The following C8B variants were observed in gnomAD, a reference collection of about 807,000 sequenced individuals.
The protein encoded by C8B is complement component C8 beta chain.
A neutral mutation model predicts 64.6 loss-of-function variants in C8B; 67 were observed. The observed-to-expected ratio is 1.04, with a 90% CI of 0.85 to 1.27. The LOEUF is 1.27. C8B is among the 50% of genes most tolerant of loss of function. C8B has a pLI of 0.00. For missense variants in C8B, 790 were observed against 725.2 expected, an observed-to-expected ratio of 1.09 and a Z score of -1.03; for synonymous variants, 284 against 257.7, an observed-to-expected ratio of 1.10 and a Z score of -0.98.
At chr1:56,963,823 G>A (rs1645213386) in intron 1 of C8B, 7 of 976,636 alleles carry the variant, frequency 7.2e-6, no homozygotes, top group Non-Finnish European at 8.5e-6. Flanking sequence ...CTGGCACAGA[G>A]TGGCAATACA....
chr1:56,960,658 G>C (rs1015362657), intron 1 of C8B, among the ~76,000 whole-genome samples: 2 of 152,208 alleles, frequency 1.3e-5, no homozygotes, highest in Admixed American at 1.3e-4. Flanking sequence ...CTGAATCATG[G>C]CAATGGCCAG....
intron 3 of C8B, among the ~76,000 whole-genome samples, chr1:56,955,610 G>T (rs571897290): frequency 1.3e-5 from 2 of 152,130 alleles, no homozygotes; most frequent in Non-Finnish European, 2.9e-5. Flanking sequence ...GCCTTCAAAT[G>T]TTTCTTACCA....
chr1:56,947,949 A>G (rs1644966457), intron 6 of C8B, among the ~76,000 whole-genome samples: 1 of 81,450 alleles, frequency 1.2e-5, no homozygotes, highest in Non-Finnish European at 2.6e-5. Flanking sequence ...AACAAAACAA[A>G]ACAAAACAAA....
intron 7 of C8B, among the ~76,000 whole-genome samples, chr1:56,944,483 T>A (rs1265857240): frequency 6.6e-6 from 1 of 152,302 alleles, no homozygotes; most frequent in African/African-American, 2.4e-5. Flanking sequence ...AATGTTGGTA[T>A]AGATCAGTTT....
At chr1:56,944,691 C>T (rs1415499810) in intron 7 of C8B, among the ~76,000 whole-genome samples, 1 of 151,994 alleles carries the variant, frequency 6.6e-6, no homozygotes, top group Non-Finnish European at 1.5e-5. Context: ...ATGATTAAGC[C>T]CTTTTATGTT....
intron 3 of C8B, 30 bp downstream of exon 3, chr1:56,956,739 T>C: frequency 1.2e-6 from 2 of 1,612,188 alleles, no homozygotes; most frequent in Middle Eastern, 1.7e-4. Flanking sequence ...ATTTCAGGCT[T>C]TCCCCTCTTA....
chr1:56,941,844 C>CTCA (rs1432651762), intron 8 of C8B, among the ~76,000 whole-genome samples: 1 of 152,214 alleles, frequency 6.6e-6, no homozygotes, highest in African/African-American at 2.4e-5. Flanking sequence ...TGTAGTGGAG[C>CTCA]TCACCTGGTG....
chr1:56,946,357 A>G (rs1226272890), intron 6 of C8B, among the ~76,000 whole-genome samples: 4 of 152,038 alleles, frequency 2.6e-5, no homozygotes, highest in Non-Finnish European at 4.4e-5. Context: ...AGGGCATGGG[A>G]CCTCTCTGAT....
At chr1:56,953,971 T>C (rs996031833) in intron 4 of C8B, among the ~76,000 whole-genome samples, 4 of 152,136 alleles carry the variant, frequency 2.6e-5, no homozygotes, top group African/African-American at 9.7e-5. Context: ...AAAATTGAGA[T>C]TTGATGGGTT....
chr1:56,952,224 G>A, intron 4 of C8B, 44 bp from the exon 5 acceptor site: 4 of 1,612,062 alleles, frequency 2.5e-6, no homozygotes, highest in Admixed American at 1.7e-5. Context: ...AAAGTTTGCG[G>A]TTGCTTAATC....
At chr1:56,945,295 G>T (rs561838330) in intron 7 of C8B, among the ~76,000 whole-genome samples, 2 of 152,246 alleles carry the variant, frequency 1.3e-5, no homozygotes, top group South Asian at 2.1e-4. Context: ...TTGAAGAAAA[G>T]AAAAAACAGC....
At chr1:56,947,164 G>T (rs1644954272) in intron 6 of C8B, among the ~76,000 whole-genome samples, 1 of 152,170 alleles carries the variant, frequency 6.6e-6, no homozygotes, top group South Asian at 2.1e-4. Flanking sequence ...CTAAAATTCA[G>T]ATTGTATTAT....
intron 5 of C8B, 88 bp from the exon 6 acceptor site, chr1:56,949,840 A>G (rs1005060037): frequency 1.6e-5 from 14 of 873,864 alleles, no homozygotes; most frequent in African/African-American, 8.3e-5. Flanking sequence ...TACTCCTACC[A>G]TGTGCTGGAT....
chr1:56,954,533 A>G (rs988754297), intron 4 of C8B, among the ~76,000 whole-genome samples, 153 bp downstream of exon 4: 2 of 152,194 alleles, frequency 1.3e-5, no homozygotes, highest in East Asian at 3.9e-4. Context: ...AACTGCCCTC[A>G]GAGAGCAACC....
intron 3 of C8B, among the ~76,000 whole-genome samples, chr1:56,956,109 T>C (rs947748790): frequency 6.6e-6 from 1 of 152,184 alleles, no homozygotes; most frequent in Non-Finnish European, 1.5e-5. Context: ...TTAAGGATCA[T>C]CTTGGACTTA....
intron 6 of C8B, among the ~76,000 whole-genome samples, chr1:56,946,424 C>G (rs916929515): frequency 2.6e-5 from 4 of 152,142 alleles, no homozygotes; most frequent in Non-Finnish European, 5.9e-5. Context: ...CCTGTAAACT[C>G]TGGAAAAAAA....
intron 7 of C8B, 26 bp from the exon 8 acceptor site, chr1:56,943,850 A>G (rs777880485): frequency 6.2e-7 from 1 of 1,613,160 alleles, no homozygotes; most frequent in South Asian, 1.1e-5. Context: ...AAAAAGGTCC[A>G]TGACGTAAAA....
At chr1:56,962,694 T>G (rs1465674104) in intron 1 of C8B, among the ~76,000 whole-genome samples, 1 of 152,246 alleles carries the variant, frequency 6.6e-6, no homozygotes, top group Admixed American at 6.5e-5. Flanking sequence ...TTTTTGTAAA[T>G]TTTTAATTTT....
intron 1 of C8B, chr1:56,964,115 A>T (rs138440130): frequency 2.2e-6 from 1 of 453,356 alleles, no homozygotes; most frequent in African/African-American, 2.1e-5. Context: ...ACTGAGGATC[A>T]GTTTGTTCTC....
Sources: gnomAD v4.1 joint callset for allele counts (sites outside exome capture counted in the v4.1 genomes callset) on GRCh38, gnomAD v4.1.1 for gene constraint, MANE v1.5 for transcripts, NCBI Gene and HGNC (gene_info 2026-07-23, HGNC 2026-07-21) for gene names.